ZNF501: variants seen among roughly 807,000 people sequenced by gnomAD.
The protein encoded by ZNF501 is zinc finger protein 52.
Under a neutral mutation model 5.7 loss-of-function variants are expected in ZNF501, and 7 were observed. That is an observed-to-expected ratio of 1.24 (90% CI 0.70 to 2.32). The LOEUF is 2.32. ZNF501 is among the 30% of genes most tolerant of loss of function. The pLI is 0.00. For missense variants in ZNF501, 352 were observed against 321.1 expected (o/e 1.10, Z -0.73); for synonymous variants, 107 against 101.9 (o/e 1.05, Z -0.30).
chr3:44,735,092 A>G lies in ZNF501; in HGVS notation c.671A>G (p.Glu224Gly), dbSNP rs199966866. 1.4e-5 allele frequency: 22 copies of G among 1,614,198 alleles called. No individual in the cohort carries two copies. Among genetic ancestry groups the G allele is most frequent in the Non-Finnish European group, 1.8e-5 (21 of 1,180,016 alleles). The change falls in exon 3 of 3, where the codon GAA becomes GGA. Residue 224 changes from glutamate (E) to glycine (G), a missense_variant. By Grantham distance (98) the Glu-to-Gly change is moderately conservative (BLOSUM62 -2). Transcript: ENST00000620116. ...AAACTTTATAAGTGTAGTGAGTGTG[A>G]AAAAACTTTCCGCAAACAAGCACAC... ...GEKLYKCSEC[E>G]KTFRKQAHLS... is the part of the protein sequence containing the mutation.
chr3:44,730,472 A>G (rs892543999), intron 1 of ZNF501, among the ~76,000 whole-genome samples: 2 of 152,254 alleles, frequency 1.3e-5, no homozygotes, highest in Middle Eastern at 3.2e-3. Flanking sequence ...GCTAAATATT[A>G]AAGGTTGACT....
chr3:44,731,312 A>G (rs552561504), intron 1 of ZNF501, among the ~76,000 whole-genome samples, 164 bp from the exon 2 acceptor site: 1 of 152,186 alleles, frequency 6.6e-6, no homozygotes, highest in Non-Finnish European at 1.5e-5. Flanking sequence ...CCAACTCACT[A>G]ATTTTTGTCA....
At chr3:44,731,340 G>C (rs1704612897) in intron 1 of ZNF501, 136 bp from the exon 2 acceptor site, 1 of 152,182 alleles carries the variant, frequency 6.6e-6, no homozygotes, top group African/African-American at 2.4e-5. Context: ...TACTCCTCTA[G>C]GATAATAACG....
chr3:44,730,819 A>C (rs1029766669), intron 1 of ZNF501, among the ~76,000 whole-genome samples: 32 of 152,240 alleles, frequency 2.1e-4, no homozygotes, highest in Non-Finnish European at 5.9e-5. Flanking sequence ...CGTTCTTAAC[A>C]AGACCCATTC....
Position 44,735,085 on chromosome 3 carries a change from G to A in ZNF501, c.664G>A (p.Glu222Lys). ...HTGEKLYKCS[E>K]CEKTFRKQAH... ...TGGAGAGAAACTTTATAAGTGTAGT[G>A]AGTGTGAAAAAACTTTCCGCAAACA... Residue 222 changes from glutamate (E) to lysine (K), a missense_variant, in exon 3 of 3, where the codon GAG (glutamate) becomes AAG (lysine). Transcript: ENST00000620116. The A allele has an allele frequency of 6.2e-6, 10 of 1,614,152 alleles. No homozygotes were observed. Among genetic ancestry groups the A allele is most frequent in the Non-Finnish European group, 8.5e-6 (10 of 1,180,010 alleles).
At chr3:44,733,656 A>G (rs1275327301) in intron 2 of ZNF501, among the ~76,000 whole-genome samples, 1 of 152,220 alleles carries the variant, frequency 6.6e-6, no homozygotes, top group East Asian at 1.9e-4. Flanking sequence ...TTCTTTAAGG[A>G]CCACTTCTCT....
In ZNF501 at chr3:44,732,576, A is replaced by C. The variant is rs181071362; in HGVS notation, c.-226+1016A>C. On this transcript the variant is annotated intron_variant, in intron 2 of 2. Transcript: ENST00000620116. ...AGGTAGTCGTGAACAATTTGTACAG[A>C]TATAGCAGTGTGTATCATTTGACTC... Among the ~76,000 whole-genome samples, 527 of 152,338 alleles carry C rather than the reference A, an allele frequency of 3.5e-3. 5 individuals are homozygous for C. Among genetic ancestry groups the C allele is most frequent in the Middle Eastern group, 0.02 (6 of 294 alleles).
In ZNF501 at chr3:44,735,425, T is replaced by C; in HGVS notation, c.*188T>C. ...TATCTGCTGCTCAGTGGGTGTAACCTTATCCCTTCTGAGCCTCAGTTTCCC... is the reference window on the plus strand; with the variant it reads ...TATCTGCTGCTCAGTGGGTGTAACCCTATCCCTTCTGAGCCTCAGTTTCCC... On this transcript the variant is annotated 3_prime_UTR_variant, in exon 3 of 3. Coordinates refer to ENST00000620116, the MANE Select transcript of ZNF501 (RefSeq NM_001258280.2). 2 of 489,888 alleles carry C rather than the reference T, an allele frequency of 4.1e-6. No individual in the cohort carries two copies. Among genetic ancestry groups the C allele is most frequent in the Non-Finnish European group, 7.3e-6 (2 of 274,378 alleles). 30.3% of individuals were successfully genotyped at this position (489,888 alleles called of 1,614,324 possible).
In ZNF501 at chr3:44,734,568, C is replaced by T; in HGVS notation, c.147C>T (p.Pro49=). 6.2e-7 allele frequency: 1 copy of T among 1,614,118 alleles called. No homozygotes were observed. Among genetic ancestry groups the T allele is most frequent in the Non-Finnish European group, 8.5e-7 (1 of 1,180,018 alleles). Residue 49 remains proline (P), a synonymous_variant, in exon 3 of 3, where the codon CCC becomes CCT. Transcript: ENST00000620116. ...AGAGGATTCACAGAGGAGAGAAGCCCTATGTGTGCAGTGAATGTGGAAGTT... is the reference window on the plus strand; with the variant it reads ...AGAGGATTCACAGAGGAGAGAAGCCTTATGTGTGCAGTGAATGTGGAAGTT... ...QHQRIHRGEK[P]YVCSECGSCF...
intron 2 of ZNF501, chr3:44,732,255 T>C (rs1167575717): frequency 1.3e-5 from 2 of 152,246 alleles, no homozygotes; most frequent in Admixed American, 1.3e-4. Flanking sequence ...AAAATACTAT[T>C]ATTTTCTGTG....
rs1704680588 is a variant in ZNF501, at chr3:44,735,264, G to C, written c.*27G>C. 6.6e-7 allele frequency: 1 copy of C among 1,504,772 alleles called. No individual in the cohort carries two copies. Among genetic ancestry groups the C allele is most frequent in the Non-Finnish European group, 8.9e-7 (1 of 1,123,228 alleles). The allele number at this position is 1,504,772 out of a possible 1,614,324, so 93.2% of individuals were successfully genotyped here. ...ATTTGGAATATAATGAGTATGGGAA[G>C]ATTTGTATGGAAGCACCTTTTTTTT... is the stretch of plus-strand genomic sequence containing the variant. On this transcript the variant is annotated 3_prime_UTR_variant, in exon 3 of 3. Coordinates refer to ENST00000620116, the MANE Select transcript of ZNF501 (RefSeq NM_001258280.2).
chr3:44,733,938 A>G (rs1704653793), intron 2 of ZNF501, among the ~76,000 whole-genome samples: 1 of 152,212 alleles, frequency 6.6e-6, no homozygotes, highest in Non-Finnish European at 1.5e-5. Flanking sequence ...GATTATAGGT[A>G]ACCTAAAGAA....
chr3:44,734,360 C>T lies in ZNF501; in HGVS notation c.-62C>T, dbSNP rs1704658293. On this transcript the variant is annotated 5_prime_UTR_variant, in exon 3 of 3. Transcript: ENST00000620116. Reference sequence around the variant, plus strand: ...CCTTTCCTAGGAGAACTGTATTACTCTAATGATAATCACCTTTGAGGAAAA... The same window carrying T: ...CCTTTCCTAGGAGAACTGTATTACTTTAATGATAATCACCTTTGAGGAAAA... 1 of 1,439,406 alleles carries T rather than the reference C, an allele frequency of 6.9e-7. No homozygotes were observed. The highest frequency in any genetic ancestry group is 1.4e-5 in the African/African-American group (1 of 70,540). The allele number at this position is 1,439,406 out of a possible 1,614,324, so 89.2% of individuals were successfully genotyped here.
chr3:44,735,026 A>G lies in ZNF501; in HGVS notation c.605A>G (p.Asn202Ser). ...CTECGKAFTQ[N>S]SSLVEHERTH... ...GAATGTGGTAAAGCCTTCACTCAGA[A>G]CTCTTCCCTTGTTGAACATGAAAGG... Residue 202 changes from asparagine to serine, a missense_variant, in exon 3 of 3, where the codon AAC (asparagine) becomes AGC (serine). By Grantham distance (46) the Asn-to-Ser change is conservative. Transcript: ENST00000620116. 2 of 1,614,144 alleles carry G rather than the reference A, an allele frequency of 1.2e-6. No homozygotes were observed. The highest frequency in any genetic ancestry group is 1.7e-6 in the Non-Finnish European group (2 of 1,180,014).
At position 44,734,894 on chromosome 3, in the gene ZNF501, G is replaced by T. The variant is rs1306546599; in HGVS notation, c.473G>T (p.Gly158Val). 1 of 1,613,776 alleles carries T rather than the reference G, an allele frequency of 6.2e-7. No individual in the cohort carries two copies. The highest frequency in any genetic ancestry group is 1.1e-5 in the South Asian group (1 of 91,070). ...ACTCGTCATCAGAGAAGTCATTCTG[G>T]AGATAAACCTTTTAAGTGTAATGAA... ...CLTRHQRSHS[G>V]DKPFKCNECG... The change falls in exon 3 of 3, where the codon GGA becomes GTA. Residue 158 changes from glycine (G) to valine (V), a missense_variant. Physicochemically the swap from Gly to Val is moderately radical, Grantham distance 109. Coordinates refer to ENST00000620116, the MANE Select transcript of ZNF501 (RefSeq NM_001258280.2).
At chr3:44,730,211 G>A (rs1704589541) in intron 1 of ZNF501, among the ~76,000 whole-genome samples, 196 bp downstream of exon 1, 1 of 152,160 alleles carries the variant, frequency 6.6e-6, no homozygotes, top group African/African-American at 2.4e-5. Context: ...ACCCTATAAA[G>A]TAGTTACTGG....
Position 44,736,587 on chromosome 3 carries a change from G to A in ZNF501, c.*1350G>A, listed in dbSNP as rs568383511. 18 of 166,974 alleles carry A rather than the reference G, an allele frequency of 1.1e-4. No homozygotes were observed. Among genetic ancestry groups the A allele is most frequent in the Non-Finnish European group, 1.5e-4 (10 of 68,134 alleles). 10.3% of individuals were successfully genotyped at this position (166,974 alleles called of 1,614,324 possible). ...AGACACAGGTGGCCAGGTGGGTGTC[G>A]AACTCCTGACCTCAAGTGATCCGCC... On this transcript the variant is annotated 3_prime_UTR_variant, in exon 3 of 3. Transcript: ENST00000620116.
intron 2 of ZNF501, among the ~76,000 whole-genome samples, chr3:44,733,143 TTATC>T (rs1328946108): frequency 2.0e-5 from 3 of 152,186 alleles, no homozygotes; most frequent in African/African-American, 7.2e-5. Flanking sequence ...TACTTCCATA[TTATC>T]TAAATATTTT....
At chr3:44,732,911 C>T (rs1199025031) in intron 2 of ZNF501, among the ~76,000 whole-genome samples, 1 of 152,168 alleles carries the variant, frequency 6.6e-6, no homozygotes, top group Non-Finnish European at 1.5e-5. Context: ...CCAGCCTCAA[C>T]ATCCTGGGCT....
Sources: gnomAD v4.1 joint callset for allele counts (sites outside exome capture counted in the v4.1 genomes callset) on GRCh38, gnomAD v4.1.1 for gene constraint, MANE v1.5 for transcripts, NCBI Gene and HGNC (gene_info 2026-07-23, HGNC 2026-07-21) for gene names.